The following ST7L variants were observed in gnomAD, a reference collection of about 807,000 sequenced individuals.
The protein encoded by ST7L is suppressor of tumorigenicity 7 protein-like.
A neutral mutation model predicts 72.5 loss-of-function variants in ST7L; 57 were observed. That is an observed-to-expected ratio of 0.79 (90% CI 0.64 to 0.98). The LOEUF is 0.98. Ranked by LOEUF, ST7L falls within the 50% of genes least tolerant of loss-of-function variation. The probability of loss-of-function intolerance (pLI) is 0.00; values close to 1 mark genes in which losing one functional copy is unlikely to be tolerated. For missense variants in ST7L, 576 were observed against 672.2 expected (o/e 0.86, Z 1.58); for synonymous variants, 221 against 240.9 (o/e 0.92, Z 0.77).
In ST7L at chr1:112,584,105, T is replaced by C; in HGVS notation, c.723A>G (p.Leu241=). 2 of 1,613,914 alleles carry C rather than the reference T, an allele frequency of 1.2e-6. No individual in the cohort carries two copies. The highest frequency in any genetic ancestry group is 1.3e-5 in the African/African-American group (1 of 75,032). Reference sequence around the variant, plus strand: ...TAGTTGTTGCTTCTTCCTCAGCCAGTAGAACATATGCAGTGGCACAGCTAT... The same window carrying C: ...TAGTTGTTGCTTCTTCCTCAGCCAGCAGAACATATGCAGTGGCACAGCTAT... ...LNNDCATAYV[L]LAEEEATTIV... The change falls in exon 7 of 15, where the codon CTA becomes CTG. Residue 241 remains leucine, a synonymous_variant. Transcript: ENST00000358039.
At position 112,610,997 on chromosome 1, in the gene ST7L, C is replaced by G. The variant is rs140260708; in HGVS notation, c.295G>C (p.Glu99Gln). The G allele has an allele frequency of 2.2e-4, 353 of 1,613,568 alleles. 1 individual carries two copies. The highest frequency in any genetic ancestry group is 2.7e-4 in the Non-Finnish European group (322 of 1,179,926). ...CCATGCTTATGGAAGTACCACCATT[C>G]AAATATCTATGACAAACAGAAAATA... The part of the protein sequence containing the change: ...SLISGLIFIF[E>Q]WWYFHKHGTS... Residue 99 changes from glutamate (E) to glutamine (Q), a missense_variant, in exon 3 of 15, where the codon GAA becomes CAA. Glu to Gln is a conservative substitution (Grantham distance 29). Transcript: ENST00000358039.
intron 3 of ST7L, among the ~76,000 whole-genome samples, chr1:112,609,940 A>G (rs1668822017): frequency 6.6e-6 from 1 of 152,186 alleles, no homozygotes; most frequent in Non-Finnish European, 1.5e-5. Context: ...CTTTTTAAGT[A>G]TACTGAAAAA....
At chr1:112,601,236 A>T (rs1169289238) in intron 3 of ST7L, among the ~76,000 whole-genome samples, 5 of 152,098 alleles carry the variant, frequency 3.3e-5, no homozygotes, top group Non-Finnish European at 7.4e-5. Context: ...ACTCTGTAAT[A>T]ACAGACATGT....
At chr1:112,552,384 T>C (rs1159602455) in intron 12 of ST7L, among the ~76,000 whole-genome samples, 3 of 152,220 alleles carry the variant, frequency 2.0e-5, no homozygotes, top group African/African-American at 4.8e-5. Context: ...CTATAAACTT[T>C]TGTCGCAATT....
At chr1:112,552,530 A>G (rs1220094261) in intron 12 of ST7L, among the ~76,000 whole-genome samples, 1 of 151,928 alleles carries the variant, frequency 6.6e-6, no homozygotes, top group Non-Finnish European at 1.5e-5. Flanking sequence ...TCAGCCTCCC[A>G]AGTAGCTGGG....
downstream of ST7L, among the ~76,000 whole-genome samples, chr1:112,520,101 G>A (rs187678998): frequency 1.2e-4 from 18 of 152,156 alleles, 1 homozygote; most frequent in East Asian, 3.5e-3. Flanking sequence ...TGAATTCCTG[G>A]ACTCAAGGAT....
chr1:112,598,615 T>C (rs1293579729), intron 4 of ST7L, among the ~76,000 whole-genome samples: 1 of 148,898 alleles, frequency 6.7e-6, no homozygotes, highest in African/African-American at 2.5e-5. Context: ...AAAGACTCAG[T>C]AAAACGAAAA....
intron 3 of ST7L, among the ~76,000 whole-genome samples, chr1:112,608,769 T>G (rs1464243440): frequency 6.6e-6 from 1 of 152,202 alleles, no homozygotes; most frequent in Non-Finnish European, 1.5e-5. Context: ...TATTCCTTCT[T>G]GTACTCTTGA....
downstream of ST7L, chr1:112,521,380 T>C (rs1025406252): frequency 1.3e-5 from 2 of 150,472 alleles, no homozygotes; most frequent in East Asian, 2.0e-4. Flanking sequence ...TTTGCCAGGT[T>C]TGGGGAGACA....
At chr1:112,612,624 T>C (rs535192813) in intron 2 of ST7L, among the ~76,000 whole-genome samples, 1 of 152,214 alleles carries the variant, frequency 6.6e-6, no homozygotes, top group South Asian at 2.1e-4. Context: ...ATTTTTTCTA[T>C]CATGTCACTA....
chr1:112,541,705 CA>C (rs1166054154), intron 14 of ST7L: 3 of 1,002,660 alleles, frequency 3.0e-6, no homozygotes, highest in Non-Finnish European at 3.8e-6. Context: ...TCTATAAGAG[CA>C]AACTTTATAA....
At chr1:112,542,560 T>G (rs371122500) in intron 13 of ST7L, among the ~76,000 whole-genome samples, 1 of 151,948 alleles carries the variant, frequency 6.6e-6, no homozygotes, top group East Asian at 1.9e-4. Flanking sequence ...CATGCGACAC[T>G]AACCTAAGCA....
chr1:112,540,795 T>A (rs1557949017), intron 14 of ST7L: 1 of 1,284,948 alleles, frequency 7.8e-7, no homozygotes, highest in Non-Finnish European at 1.0e-6. Flanking sequence ...AGGACTAGTT[T>A]TTCCATGGTT....
rs41283058 is a variant in ST7L at position 112,582,565 on chromosome 1, T to C, written c.857-93A>G. The stretch of plus-strand genomic sequence containing the variant: ...TATCCATTAATTTTATTTGCTTCCC[T>C]TGGAAGAGTCAATTAAAATTAAATT... On this transcript the variant is annotated intron_variant, in intron 7 of 14. Coordinates refer to ENST00000358039, the MANE Select transcript of ST7L (RefSeq NM_017744.5). The C allele has an allele frequency of 0.017, 11,453 of 654,794 alleles. 141 individuals carry two copies. The highest frequency in any genetic ancestry group is 0.029 in the African/African-American group (1,616 of 55,026). The allele number at this position is 654,794 out of a possible 1,614,324, so 40.6% of individuals were successfully genotyped here. A position where few individuals can be genotyped will look rare whatever the true frequency, so the allele number is the denominator to read the frequency against.
intron 11 of ST7L, among the ~76,000 whole-genome samples, chr1:112,571,646 G>A (rs764025596): frequency 2.4e-4 from 37 of 152,120 alleles, no homozygotes; most frequent in Non-Finnish European, 4.3e-4. Context: ...GGCTGGTCTC[G>A]AACTCCTGAC....
chr1:112,609,526 C>CAA (rs60756026), intron 3 of ST7L, among the ~76,000 whole-genome samples: 17 of 107,144 alleles, frequency 1.6e-4, no homozygotes, highest in African/African-American at 4.6e-4. Context: ...GACTTCGTCT[C>CAA]AAAAAAAAAA....
chr1:112,609,647 C>A (rs887850756), intron 3 of ST7L, among the ~76,000 whole-genome samples: 5 of 151,722 alleles, frequency 3.3e-5, no homozygotes, highest in Admixed American at 1.3e-4. Flanking sequence ...TATGGTGAAA[C>A]CCCATCTCTA....
chr1:112,593,769 T>C (rs943129671), intron 5 of ST7L, among the ~76,000 whole-genome samples: 2 of 152,140 alleles, frequency 1.3e-5, no homozygotes, highest in African/African-American at 4.8e-5. Flanking sequence ...CCTAGATAAA[T>C]TAATAGAATA....
At chr1:112,519,015 T>C (rs546535502), downstream of ST7L, among the ~76,000 whole-genome samples, 6 of 152,280 alleles carry the variant, frequency 3.9e-5, no homozygotes, top group South Asian at 8.3e-4. Flanking sequence ...TAAAAGACCA[T>C]ATGTGACTAG....
Sources: allele counts gnomAD v4.1 joint callset (sites outside exome capture counted in the v4.1 genomes callset), GRCh38; gene constraint gnomAD v4.1.1; transcripts MANE v1.5; gene names NCBI Gene and HGNC (gene_info 2026-07-23, HGNC 2026-07-21).